HERC4: variants seen among roughly 807,000 people sequenced by gnomAD.
The protein encoded by HERC4 is HECT and RLD domain containing E3 ubiquitin protein ligase 4.
HERC4 carries 28 observed loss-of-function variants against 124.3 expected under a neutral mutation model. That is an observed-to-expected ratio of 0.23 (90% CI 0.17 to 0.31). HERC4 has a LOEUF of 0.31. Ranked by LOEUF, HERC4 falls within the 10% of genes least tolerant of loss-of-function variation. HERC4 has a pLI of 1.00. For missense variants in HERC4, 713 were observed against 1,229.3 expected (o/e 0.58, Z 6.28); for synonymous variants, 407 against 421.5 (o/e 0.97, Z 0.42).
intron 15 of HERC4, among the ~76,000 whole-genome samples, chr10:67,977,485 T>C (rs1002473773): frequency 1.3e-5 from 2 of 152,080 alleles, no homozygotes; most frequent in East Asian, 3.9e-4. Flanking sequence ...GCACATTCCC[T>C]ACCATGGCAG....
Position 68,009,598 on chromosome 10 carries a change from C to T in HERC4, c.1069+4428G>A, listed in dbSNP as rs78871215. Among the ~76,000 whole-genome samples, 547 of 152,248 alleles carry T rather than the reference C, an allele frequency of 3.6e-3. 3 individuals are homozygous for T. The highest frequency in any genetic ancestry group is 0.013 in the African/African-American group (536 of 41,544). On this transcript the variant is annotated intron_variant, in intron 9 of 24. Transcript: ENST00000373700. Reference sequence around the variant, plus strand: ...TCAACATTGATGGCTACTGACTGATCAGGGTGGTAATTGCTGAAGGCTGGG... The same window carrying T: ...TCAACATTGATGGCTACTGACTGATTAGGGTGGTAATTGCTGAAGGCTGGG...
chr10:68,059,826 AATATTATATATTATAAT>A (rs2040873438), intron 3 of HERC4, among the ~76,000 whole-genome samples: 1 of 62,788 alleles, frequency 1.6e-5, no homozygotes, highest in African/African-American at 1.8e-4. Context: ...TATATATCAT[AATATTATATATTATAAT>A]ATATTATATA....
chr10:68,016,065 C>G (rs1294820688), intron 8 of HERC4, among the ~76,000 whole-genome samples: 3 of 151,920 alleles, frequency 2.0e-5, no homozygotes, highest in African/African-American at 7.2e-5. Context: ...ATTCTGCCAC[C>G]ACACTCCAGC....
intron 15 of HERC4, among the ~76,000 whole-genome samples, chr10:67,975,994 G>A (rs548783009): frequency 6.6e-5 from 10 of 151,342 alleles, no homozygotes; most frequent in Non-Finnish European, 1.3e-4. Flanking sequence ...TACAACCTGT[G>A]GGTCAAATGC....
chr10:67,934,658 T>G (rs374728105), intron 22 of HERC4, among the ~76,000 whole-genome samples: 47 of 152,290 alleles, frequency 3.1e-4, no homozygotes, highest in Middle Eastern at 3.4e-3. Flanking sequence ...AACACACACA[T>G]TTGATAATTT....
In HERC4 at chr10:68,072,922, G is replaced by A; in HGVS notation, c.187C>T (p.Leu63=). 6.2e-7 allele frequency: 1 copy of A among 1,612,338 alleles called. No individual in the cohort carries two copies. Among genetic ancestry groups the A allele is most frequent in the Non-Finnish European group, 8.5e-7 (1 of 1,179,270 alleles). ...GATTTTTCATGACCTAGCTGTCCTA[G>A]ATCATTACATCCACATGTGTACACT... ...GTVYTCGCND[L]GQLGHEKSRK... is the part of the protein sequence containing the mutation. The change falls in exon 3 of 25, where the codon CTA becomes TTA. Residue 63 remains leucine (L), a synonymous_variant. Transcript: ENST00000373700.
At chr10:67,995,008 A>T (rs771635499) in intron 9 of HERC4, 1 of 257,442 alleles carries the variant, frequency 3.9e-6, no homozygotes, top group Non-Finnish European at 7.7e-6. Flanking sequence ...CCTTTTAATC[A>T]CTACTCGAAA....
At chr10:68,016,259 A>G (rs892259190) in intron 8 of HERC4, among the ~76,000 whole-genome samples, 3 of 152,196 alleles carry the variant, frequency 2.0e-5, no homozygotes, top group Non-Finnish European at 4.4e-5. Flanking sequence ...TGGATCGTCT[A>G]TTGATGAACT....
intron 3 of HERC4, among the ~76,000 whole-genome samples, chr10:68,048,675 A>G (rs553654724): frequency 1.3e-5 from 2 of 152,330 alleles, no homozygotes; most frequent in East Asian, 3.9e-4. Flanking sequence ...TGATATATCA[A>G]TGTAGATTTG....
intron 3 of HERC4, among the ~76,000 whole-genome samples, chr10:68,053,060 A>G (rs1255946471): frequency 6.6e-6 from 1 of 152,180 alleles, no homozygotes; most frequent in Non-Finnish European, 1.5e-5. Flanking sequence ...TCATTCTTCC[A>G]CTTATTAGTC....
At chr10:67,988,630 G>A (rs776239778) in intron 15 of HERC4, 33 bp downstream of exon 15, 1 of 1,342,504 alleles carries the variant, frequency 7.4e-7, no homozygotes, top group South Asian at 1.4e-5. Flanking sequence ...TAGGAATGGG[G>A]AAAGAGGAAA....
At chr10:68,028,676 A>T (rs1250562163) in intron 7 of HERC4, among the ~76,000 whole-genome samples, 3 of 152,222 alleles carry the variant, frequency 2.0e-5, no homozygotes, top group African/African-American at 7.2e-5. Context: ...AACAAAAAGC[A>T]TATTCTTGGA....
At chr10:67,959,058 G>A (rs969020720) in intron 16 of HERC4, 47 of 1,455,204 alleles carry the variant, frequency 3.2e-5, no homozygotes, top group Non-Finnish European at 4.2e-5. Context: ...CTATTACTCA[G>A]GAGAAAATGG....
chr10:68,074,185 C>T (rs1254323756), intron 1 of HERC4: 3 of 152,136 alleles, frequency 2.0e-5, no homozygotes. Context: ...TAACAGAGTC[C>T]ACTTCATCTA....
intron 19 of HERC4, among the ~76,000 whole-genome samples, chr10:67,941,963 G>A (rs1459985555): frequency 6.6e-6 from 1 of 151,840 alleles, no homozygotes; most frequent in Admixed American, 6.6e-5. Context: ...GCCAAAACAT[G>A]ACTTTTTAAT....
chr10:68,065,131 G>C (rs1159123594), intron 3 of HERC4, among the ~76,000 whole-genome samples: 1 of 151,934 alleles, frequency 6.6e-6, no homozygotes, highest in Non-Finnish European at 1.5e-5. Context: ...TGAGATACAA[G>C]AACACATTCC....
At chr10:67,924,682 T>C (rs1251209061) in intron 24 of HERC4, among the ~76,000 whole-genome samples, 2 of 152,212 alleles carry the variant, frequency 1.3e-5, no homozygotes, top group Non-Finnish European at 2.9e-5. Flanking sequence ...TGCCAATTTA[T>C]ACAAGAAACT....
chr10:67,936,324 TA>T (rs959766659), intron 21 of HERC4, 89 bp from the exon 22 acceptor site: 14 of 638,736 alleles, frequency 2.2e-5, no homozygotes, highest in Admixed American at 9.7e-5. Context: ...CTCATTTAAT[TA>T]AAAAAAACTA....
At chr10:67,950,186 A>T (rs2033689829) in intron 19 of HERC4, among the ~76,000 whole-genome samples, 1 of 152,168 alleles carries the variant, frequency 6.6e-6, no homozygotes, top group South Asian at 2.1e-4. Context: ...GTAACATCCT[A>T]CTATTATACC....
Sources: allele counts gnomAD v4.1 joint callset (sites outside exome capture counted in the v4.1 genomes callset), GRCh38; gene constraint gnomAD v4.1.1; transcripts MANE v1.5; gene names NCBI Gene and HGNC (gene_info 2026-07-23, HGNC 2026-07-21).